CAMSAP3: variants seen among roughly 807,000 people sequenced by gnomAD.
The protein encoded by CAMSAP3 is calmodulin-regulated spectrin-associated protein 3.
A neutral mutation model predicts 112.5 loss-of-function variants in CAMSAP3; 34 were observed. The observed-to-expected ratio is 0.30, with a 90% CI of 0.23 to 0.40. The LOEUF (loss-of-function observed/expected upper bound fraction) is 0.40, where lower values mean the gene tolerates loss of function less well. Ranked by LOEUF, CAMSAP3 falls within the 10% of genes least tolerant of loss-of-function variation. The pLI, the probability that CAMSAP3 is intolerant of heterozygous loss-of-function variation, is 1.00. For synonymous variants in CAMSAP3, 868 were observed against 799.8 expected, an observed-to-expected ratio of 1.09 and a Z score of -1.44; for missense variants, 1,602 against 1,770.3, an observed-to-expected ratio of 0.90 and a Z score of 1.71.
rs536410325 is a variant in CAMSAP3, at chr19:7,607,749, C to A, written c.622-377C>A. On this transcript the variant is annotated intron_variant, in intron 4 of 16. Coordinates refer to ENST00000160298, the MANE Select transcript of CAMSAP3 (RefSeq NM_020902.2). This position sits in a 1 kb window ranked among gnomAD's most constrained non-coding sequence, Gnocchi z 4.9. ...CCAGGGTCAGGGCTACCCCCTCCCC[C>A]CCAAGGTGGGCTTGGGGGCCCAGCA... 70 of 577,322 alleles carry A rather than the reference C, an allele frequency of 1.2e-4. No homozygotes were observed. In the Middle Eastern group the frequency reaches 1.5e-3, roughly 12 times the overall value. The allele number at this position is 577,322 out of a possible 1,614,324, so 35.8% of individuals were successfully genotyped here.
chr19:7,614,844 C>T, intron 11 of CAMSAP3: 1 of 424,712 alleles, frequency 2.4e-6, no homozygotes, highest in Non-Finnish European at 4.3e-6. Context: ...CTCTGGGAAG[C>T]CTTCCTGGGT....
At chr19:7,601,711 C>CTAAAATAAAATAAAATAAAATAAAA (rs55921076) in intron 1 of CAMSAP3, among the ~76,000 whole-genome samples, 25 of 133,030 alleles carry the variant, frequency 1.9e-4, no homozygotes, top group African/African-American at 5.7e-4. Context: ...GACCCCATCT[C>CTAAAATAAAATAAAATAAAATAAAA]TAAAATAAAA....
Position 7,611,406 on chromosome 19 carries a change from T to C in CAMSAP3, c.1124-111T>C. ...CCTCTGGTCTCACTAGACCACATAA[T>C]GAGCCATCAGTGACTCACCCAATGA... On this transcript the variant is annotated intron_variant, in intron 9 of 16. Coordinates refer to ENST00000160298, the MANE Select transcript of CAMSAP3 (RefSeq NM_020902.2). The surrounding 1 kb of genome is among the most constrained non-coding windows in gnomAD (Gnocchi z 6.9). The C allele has an allele frequency of 2.8e-6, 3 of 1,068,202 alleles. No individual in the cohort carries two copies. Among genetic ancestry groups the C allele is most frequent in the Non-Finnish European group, 4.1e-6 (3 of 739,686 alleles). The allele number at this position is 1,068,202 out of a possible 1,614,324, so 66.2% of individuals were successfully genotyped here.
Position 7,606,570 on chromosome 19 carries a change from C to A in CAMSAP3, c.620C>A (p.Ser207Ter). The change falls in exon 4 of 17, where the codon TCG (serine) becomes TAG (stop). Residue 207 changes from serine to a stop codon, truncating the protein, a stop_gained and splice_region_variant. Coordinates refer to ENST00000160298, the MANE Select transcript of CAMSAP3 (RefSeq NM_020902.2). LOFTEE classifies it high-confidence loss of function. ...GACGGGGCGGCCCCGGCGCAGCCCTCGGTGAGGCCAGGGCATAGAACCGTC... is the reference window on the plus strand; with the variant it reads ...GACGGGGCGGCCCCGGCGCAGCCCTAGGTGAGGCCAGGGCATAGAACCGTC... ...PADGAAPAQPSIRYRKDRVVA... is the reference protein window; with the variant it reads ...PADGAAPAQP 1 of 1,527,986 alleles carries A rather than the reference C, an allele frequency of 6.5e-7. No individual in the cohort carries two copies. Among genetic ancestry groups the A allele is most frequent in the South Asian group, 1.2e-5 (1 of 82,902 alleles). The allele number at this position is 1,527,986 out of a possible 1,614,324, so 94.7% of individuals were successfully genotyped here. A position where few individuals can be genotyped will look rare whatever the true frequency, so the allele number is the denominator to read the frequency against.
intron 1 of CAMSAP3, among the ~76,000 whole-genome samples, chr19:7,599,473 CCCACT>C (rs1263305865): frequency 1.9e-5 from 2 of 106,176 alleles, no homozygotes; most frequent in Admixed American, 1.0e-4. Context: ...ACCCACCCAC[CCCACT>C]CATCCATCCA....
intron 14 of CAMSAP3, among the ~76,000 whole-genome samples, chr19:7,616,939 T>TTTTTTTTG (rs2030826528): frequency 2.5e-5 from 3 of 120,206 alleles, no homozygotes; most frequent in African/African-American, 1.0e-4. Context: ...CCCGCCTTTT[T>TTTTTTTTG]TTTTTTTTTT....
chr19:7,616,759 C>T (rs1427026281), intron 14 of CAMSAP3, 137 bp downstream of exon 14: 6 of 629,286 alleles, frequency 9.5e-6, no homozygotes, highest in African/African-American at 3.6e-5. Context: ...TGGAGGGACG[C>T]GTGTGGGCAC....
chr19:7,598,590 C>T (rs2029861681), intron 1 of CAMSAP3, among the ~76,000 whole-genome samples: 1 of 152,118 alleles, frequency 6.6e-6, no homozygotes, highest in Non-Finnish European at 1.5e-5. Flanking sequence ...GAAAGGGTTC[C>T]AAGCCTGGCC....
At chr19:7,599,427 C>G (rs1016912412) in intron 1 of CAMSAP3, among the ~76,000 whole-genome samples, 1 of 131,410 alleles carries the variant, frequency 7.6e-6, no homozygotes, top group African/African-American at 2.9e-5. Context: ...CATCCATCCA[C>G]CCACCTACCC....
intron 2 of CAMSAP3, 30 bp downstream of exon 2, chr19:7,605,509 G>T: frequency 6.9e-7 from 1 of 1,439,244 alleles, no homozygotes; most frequent in Non-Finnish European, 9.1e-7. Flanking sequence ...GTTAGACCAC[G>T]CCTACCATGC....
At position 7,612,060 on chromosome 19, in the gene CAMSAP3, C is replaced by A; in HGVS notation, c.1567C>A (p.Pro523Thr). ...CAAAGCACCAGTGTACATGCCACAC[C>A]CCGAGACCCCCTCGAAACCATCTCC... ...PTKAPVYMPH[P>T]ETPSKPSPCL... Residue 523 changes from proline (P) to threonine (T), a missense_variant, in exon 11 of 17, where the codon CCC becomes ACC. Around this residue, in one of 6 missense-constraint regions of CAMSAP3, gnomAD observed 1,100 missense variants for 1,135.7 expected, o/e 0.97. Transcript: ENST00000160298. The A allele has an allele frequency of 6.2e-7, 1 of 1,610,382 alleles. No homozygotes were observed. Among genetic ancestry groups the A allele is most frequent in the Non-Finnish European group, 8.5e-7 (1 of 1,177,772 alleles).
In CAMSAP3 at chr19:7,606,391, A is replaced by G; in HGVS notation, c.523A>G (p.Thr175Ala). Residue 175 changes from threonine (T) to alanine (A), a missense_variant and splice_region_variant, in exon 3 of 17, where the codon ACG becomes GCG. Physicochemically the swap from Thr to Ala is moderately conservative, Grantham distance 58. This residue lies in a region of CAMSAP3 where 112 missense variants were observed against 94.2 expected (regional missense o/e 1.19). Coordinates refer to ENST00000160298, the MANE Select transcript of CAMSAP3 (RefSeq NM_020902.2). ...GCACAAGCTGCTTTTCTGGGTGGAC[A>G]CGGTAGGTGGGGTTGGGCCTGGGGT... ...LEHKLLFWVD[T>A]TVRRLQEKTE... is the part of the protein sequence containing the mutation. 3 of 1,613,420 alleles carry G rather than the reference A, an allele frequency of 1.9e-6. No homozygotes were observed. The highest frequency in any genetic ancestry group is 2.5e-6 in the Non-Finnish European group (3 of 1,179,804).
rs902337767 is a variant in CAMSAP3, at chr19:7,612,770, C to T, written c.2277C>T (p.Pro759=). The change falls in exon 11 of 17, where the codon CCC becomes CCT. Residue 759 remains proline, a synonymous_variant. Coordinates refer to ENST00000160298, the MANE Select transcript of CAMSAP3 (RefSeq NM_020902.2). ...GGCCCAAAGCTGCATCCCCCAGCCCCGCCCGGCGAGTCCCGGCCACCCGGC... is the reference window on the plus strand; with the variant it reads ...GGCCCAAAGCTGCATCCCCCAGCCCTGCCCGGCGAGTCCCGGCCACCCGGC... ...TTGPKAASPS[P]ARRVPATRRS... 2 of 1,531,384 alleles carry T rather than the reference C, an allele frequency of 1.3e-6. No individual in the cohort carries two copies. Among genetic ancestry groups the T allele is most frequent in the Non-Finnish European group, 8.7e-7 (1 of 1,144,002 alleles). The allele number at this position is 1,531,384 out of a possible 1,614,324, so 94.9% of individuals were successfully genotyped here.
Position 7,605,376 on chromosome 19 carries a change from A to T in CAMSAP3, c.299A>T (p.Asn100Ile), listed in dbSNP as rs1330578286. 6.4e-7 allele frequency: 1 copy of T among 1,555,066 alleles called. No individual in the cohort carries two copies. Among genetic ancestry groups the T allele is most frequent in the South Asian group, 1.2e-5 (1 of 86,736 alleles). ...QALPQLETPP[N>I]PSALLALLAR... is the part of the protein sequence containing the mutation. ...CTGCCACAGCTTGAAACACCCCCCA[A>T]CCCCTCTGCACTGCTGGCCCTGCTG... is the stretch of plus-strand genomic sequence containing the variant. The change falls in exon 2 of 17, where the codon AAC (asparagine) becomes ATC (isoleucine). Residue 100 changes from asparagine to isoleucine, a missense_variant. This residue lies in a region of CAMSAP3 where 147 missense variants were observed against 144.6 expected (regional missense o/e 1.02). Coordinates refer to ENST00000160298, the MANE Select transcript of CAMSAP3 (RefSeq NM_020902.2).
rs1402396205 is a variant in CAMSAP3, at chr19:7,612,328, G to A, written c.1835G>A (p.Arg612Lys). The A allele has an allele frequency of 5.0e-6, 8 of 1,604,890 alleles. No homozygotes were observed. The highest frequency in any genetic ancestry group is 6.8e-6 in the Non-Finnish European group (8 of 1,177,954). ...ELSARLEEKR[R>K]AIEAQKRRIE... ...AGCGCCCGGCTGGAGGAGAAACGCA[G>A]AGCCATCGAGGCTCAGAAGCGACGG... The change falls in exon 11 of 17, where the codon AGA becomes AAA. Residue 612 changes from arginine to lysine, a missense_variant. Physicochemically the swap from Arg to Lys is conservative, Grantham distance 26. Coordinates refer to ENST00000160298, the MANE Select transcript of CAMSAP3 (RefSeq NM_020902.2).
In CAMSAP3 at chr19:7,607,883, G is replaced by A. The variant is rs780073825; in HGVS notation, c.622-243G>A. On this transcript the variant is annotated intron_variant, in intron 4 of 16. Transcript: ENST00000160298. The surrounding 1 kb of genome is among the most constrained non-coding windows in gnomAD (Gnocchi z 4.9). ...AACCCCCCATGGTAATGTATCCCCC[G>A]CCCCGGGGTCCCAGGAGTCCCTGTC... The A allele has an allele frequency of 1.6e-5, 17 of 1,047,030 alleles. No homozygotes were observed. Among genetic ancestry groups the A allele is most frequent in the Non-Finnish European group, 2.2e-5 (16 of 711,148 alleles). 64.9% of individuals were successfully genotyped at this position (1,047,030 alleles called of 1,614,324 possible).
rs756232955 is a variant in CAMSAP3 at position 7,617,857 on chromosome 19, C to A, written c.3550C>A (p.Arg1184=). The A allele has an allele frequency of 2.3e-5, 37 of 1,613,614 alleles. No individual in the cohort carries two copies. The Admixed American group carries it at 5.3e-4, about 23-fold the overall frequency. The part of the protein sequence containing the change: ...TLSGETEELS[R]LAGYGPRTVT... ...GTCGGGGGAGACAGAGGAGCTGTCG[C>A]GGCTGGCAGGGTATGGGCCCCGGAC... Residue 1184 remains arginine (R), a synonymous_variant, in exon 17 of 17, where the codon CGG becomes AGG. Coordinates refer to ENST00000160298, the MANE Select transcript of CAMSAP3 (RefSeq NM_020902.2). This position sits in a 1 kb window ranked among gnomAD's most constrained non-coding sequence, Gnocchi z 7.5.
At position 7,615,250 on chromosome 19, in the gene CAMSAP3, G is replaced by C. The variant is rs377310461; in HGVS notation, c.2738G>C (p.Arg913Pro). The stretch of plus-strand genomic sequence containing the variant: ...AGCCTGCTGGAGCGGCAGCAGCGGC[G>C]AGCAGAGGAGGCGCGGCGGCGCAAG... ...RASLLERQQR[R>P]AEEARRRKQW... is the part of the protein sequence containing the mutation. The change falls in exon 12 of 17, where the codon CGA becomes CCA. Residue 913 changes from arginine (R) to proline (P), a missense_variant. By Grantham distance (103) the Arg-to-Pro change is moderately radical (BLOSUM62 -2). Transcript: ENST00000160298. The surrounding 1 kb of genome is among the most constrained non-coding windows in gnomAD (Gnocchi z 6.5). The C allele has an allele frequency of 5.6e-4, 874 of 1,551,242 alleles. 2 individuals are homozygous for C. The highest frequency in any genetic ancestry group is 6.7e-4 in the Non-Finnish European group (771 of 1,147,532).
chr19:7,595,889 GGCGGCGGCGGCA>G lies in CAMSAP3; in HGVS notation c.-106_-95del, dbSNP rs958714533. 6 of 427,464 alleles carry G rather than the reference GGCGGCGGCGGCA, an allele frequency of 1.4e-5. No homozygotes were observed. The highest frequency in any genetic ancestry group is 1.1e-4 in the African/African-American group (5 of 46,160). The allele number at this position is 427,464 out of a possible 1,614,324, so 26.5% of individuals were successfully genotyped here. A position where few individuals can be genotyped will look rare whatever the true frequency, so the allele number is the denominator to read the frequency against. On this transcript the variant is annotated 5_prime_UTR_variant, in exon 1 of 17. Coordinates refer to ENST00000160298, the MANE Select transcript of CAMSAP3 (RefSeq NM_020902.2). ...CACCTGGCTCAGCAGCGGCGGCGGC[GGCGGCGGCGGCA>G]GCGGCGGTAGCAGCAGCGGGCCCGG...
Sources: allele counts gnomAD v4.1 joint callset (sites outside exome capture counted in the v4.1 genomes callset), GRCh38; gene constraint gnomAD v4.1.1; regional missense constraint gnomAD v4.1.1; non-coding constraint Gnocchi (gnomAD v3.1); transcripts MANE v1.5; gene names NCBI Gene and HGNC (gene_info 2026-07-23, HGNC 2026-07-21).